The following WNT3A variants were observed in gnomAD, a reference collection of about 807,000 sequenced individuals.
WNT3A encodes Wnt family member 3A.
Under a neutral mutation model 37.0 loss-of-function variants are expected in WNT3A, and 17 were observed. That is an observed-to-expected ratio of 0.46 (90% CI 0.31 to 0.69). WNT3A has a LOEUF of 0.69. Ranked by LOEUF, WNT3A falls within the 30% of genes least tolerant of loss-of-function variation. WNT3A has a pLI of 0.05. For synonymous variants in WNT3A, 187 were observed against 211.0 expected (o/e 0.89, Z 0.99); for missense variants, 411 against 510.2 (o/e 0.81, Z 1.87).
At chr1:228,035,270 G>A (rs2031109881) in intron 2 of WNT3A, among the ~76,000 whole-genome samples, 1 of 152,202 alleles carries the variant, frequency 6.6e-6, no homozygotes, top group South Asian at 2.1e-4. Context: ...CATCTGTTGA[G>A]GCCAGCAGTG....
chr1:228,028,552 G>A (rs960369496), intron 2 of WNT3A, among the ~76,000 whole-genome samples: 1 of 152,202 alleles, frequency 6.6e-6, no homozygotes, highest in Admixed American at 6.5e-5. Context: ...TCAAACTCCT[G>A]ACCTCAAGTG....
chr1:228,022,597 GGGT>G (rs745439748), intron 1 of WNT3A, 67 bp from the exon 2 acceptor site: 1 of 1,529,654 alleles, frequency 6.5e-7, no homozygotes, highest in Non-Finnish European at 8.8e-7. Flanking sequence ...CCAGAGCAAA[GGGT>G]CTGTAGCCTG....
In WNT3A at chr1:228,007,024, A is replaced by T; in HGVS notation, c.-105A>T. 1 of 645,176 alleles carries T rather than the reference A, an allele frequency of 1.5e-6. No homozygotes were observed. The highest frequency in any genetic ancestry group is 2.1e-6 in the Non-Finnish European group (1 of 487,002). The allele number at this position is 645,176 out of a possible 1,614,324, so 40.0% of individuals were successfully genotyped here. A position where few individuals can be genotyped will look rare whatever the true frequency, so the allele number is the denominator to read the frequency against. On this transcript the variant is annotated 5_prime_UTR_variant, in exon 1 of 4. Coordinates refer to ENST00000284523, the MANE Select transcript of WNT3A (RefSeq NM_033131.4). The surrounding 1 kb of genome is among the most constrained non-coding windows in gnomAD (Gnocchi z 6.0). Reference sequence around the variant, plus strand: ...CGCACACCCGCGCACCCGCGGCCGCAGGAGGGCCCAGCGACGCCGCCGCGC... The same window carrying T: ...CGCACACCCGCGCACCCGCGGCCGCTGGAGGGCCCAGCGACGCCGCCGCGC...
At position 228,029,749 on chromosome 1, in the gene WNT3A, C is replaced by G. The variant is rs554758294; in HGVS notation, c.313+6841C>G. On this transcript the variant is annotated intron_variant, in intron 2 of 3. Transcript: ENST00000284523. ...ATGAATGCTTGTGCCCACCCCCCCC[C>G]CAATTCCTACATTGAAATCCTCACC... Among the ~76,000 whole-genome samples the G allele has an allele frequency of 5.5e-4, 83 of 151,320 alleles. No homozygotes were observed. In the Middle Eastern group the frequency reaches 0.014, roughly 25 times the overall value.
chr1:228,007,290 G>C lies in WNT3A; in HGVS notation c.71+91G>C, dbSNP rs1190572848. On this transcript the variant is annotated intron_variant, in intron 1 of 3. Transcript: ENST00000284523. The surrounding 1 kb of genome is among the most constrained non-coding windows in gnomAD (Gnocchi z 6.0). ...GGGCAGGGACCCCGCGGTGGCCCGAGCCCGCGCCCTTCTGCTCCAGCCCCG... is the reference window on the plus strand; with the variant it reads ...GGGCAGGGACCCCGCGGTGGCCCGACCCCGCGCCCTTCTGCTCCAGCCCCG... 1 of 1,354,612 alleles carries C rather than the reference G, an allele frequency of 7.4e-7. No homozygotes were observed. The highest frequency in any genetic ancestry group is 1.5e-5 in the African/African-American group (1 of 66,184). The allele number at this position is 1,354,612 out of a possible 1,614,324, so 83.9% of individuals were successfully genotyped here.
At chr1:228,012,151 C>T (rs1021766425) in intron 1 of WNT3A, among the ~76,000 whole-genome samples, 7 of 152,190 alleles carry the variant, frequency 4.6e-5, no homozygotes, top group Non-Finnish European at 8.8e-5. Context: ...GGTGACTGCC[C>T]GGTGGCCACT....
At chr1:228,022,631 A>G in intron 1 of WNT3A, 36 bp from the exon 2 acceptor site, 1 of 1,589,508 alleles carries the variant, frequency 6.3e-7, no homozygotes, top group Admixed American at 1.7e-5. Flanking sequence ...TCGCTGTCCC[A>G]GCCCCACACT....
chr1:228,022,742 C>A lies in WNT3A; in HGVS notation c.147C>A (p.Val49=), dbSNP rs778235031. The A allele has an allele frequency of 6.2e-7, 1 of 1,614,150 alleles. No homozygotes were observed. The highest frequency in any genetic ancestry group is 1.1e-5 in the South Asian group (1 of 91,084). Residue 49 remains valine, a synonymous_variant, in exon 2 of 4, where the codon GTC becomes GTA. Transcript: ENST00000284523. ...PILCASIPGL[V]PKQLRFCRNY... Reference sequence around the variant, plus strand: ...TGTGTGCCAGCATCCCGGGCCTGGTCCCCAAGCAGCTCCGCTTCTGCAGGA... The same window carrying A: ...TGTGTGCCAGCATCCCGGGCCTGGTACCCAAGCAGCTCCGCTTCTGCAGGA...
intron 3 of WNT3A, among the ~76,000 whole-genome samples, chr1:228,054,779 C>T (rs948405427): frequency 6.8e-6 from 1 of 146,614 alleles, no homozygotes; most frequent in Non-Finnish European, 1.5e-5. Context: ...TAGACACAGA[C>T]TTTGAGGGGA....
In WNT3A at chr1:228,038,725, G is replaced by A. The variant is rs1274754469; in HGVS notation, c.314-11931G>A. Among the ~76,000 whole-genome samples, 3 of 152,170 alleles carry A rather than the reference G, an allele frequency of 2.0e-5. No homozygotes were observed. The highest frequency in any genetic ancestry group is 6.5e-5 in the Admixed American group (1 of 15,288). On this transcript the variant is annotated intron_variant, in intron 2 of 3. Transcript: ENST00000284523. This position sits in a 1 kb window ranked among gnomAD's most constrained non-coding sequence, Gnocchi z 5.7. ...GTGTGGTAATCATACAGGGTGCAGC[G>A]TGCACGGGGGGCTGTGTTCGCTGTG...
rs942359767 is a variant in WNT3A, at chr1:228,008,266, C to A, written c.71+1067C>A. Among the ~76,000 whole-genome samples, 3 of 152,178 alleles carry A rather than the reference C, an allele frequency of 2.0e-5. No individual in the cohort carries two copies. Among genetic ancestry groups the A allele is most frequent in the Admixed American group, 1.3e-4 (2 of 15,290 alleles). On this transcript the variant is annotated intron_variant, in intron 1 of 3. Transcript: ENST00000284523. The surrounding 1 kb of genome is among the most constrained non-coding windows in gnomAD (Gnocchi z 4.9). ...AGTTGGAGAGAAGCCTCCCCACAAGCATGCACACTCCCCCCCATCCTTCTC... is the reference window on the plus strand; with the variant it reads ...AGTTGGAGAGAAGCCTCCCCACAAGAATGCACACTCCCCCCCATCCTTCTC...
chr1:228,058,884 G>T, intron 3 of WNT3A, 102 bp from the exon 4 acceptor site: 1 of 1,216,920 alleles, frequency 8.2e-7, no homozygotes, highest in Non-Finnish European at 1.1e-6. Context: ...CTGCCCGGGG[G>T]CTTTATGGAG....
At chr1:228,046,589 T>C (rs937846472) in intron 2 of WNT3A, among the ~76,000 whole-genome samples, 3 of 149,998 alleles carry the variant, frequency 2.0e-5, no homozygotes, top group Non-Finnish European at 4.4e-5. Context: ...GGTGTGTATA[T>C]GTGGGGTATG....
In WNT3A at chr1:228,039,460, A is replaced by T. The variant is rs575194703; in HGVS notation, c.314-11196A>T. On this transcript the variant is annotated intron_variant, in intron 2 of 3. Coordinates refer to ENST00000284523, the MANE Select transcript of WNT3A (RefSeq NM_033131.4). The surrounding 1 kb of genome is among the most constrained non-coding windows in gnomAD (Gnocchi z 4.1). Reference sequence around the variant, plus strand: ...GGGGGGATGGCCATCAGCATATCAGAGACACCCTCCCAACCCCCTTCTCCT... The same window carrying T: ...GGGGGGATGGCCATCAGCATATCAGTGACACCCTCCCAACCCCCTTCTCCT... Among the ~76,000 whole-genome samples, 30 of 152,286 alleles carry T rather than the reference A, an allele frequency of 2.0e-4. No homozygotes were observed. Among genetic ancestry groups the T allele is most frequent in the Admixed American group, 4.6e-4 (7 of 15,302 alleles).
intron 2 of WNT3A, among the ~76,000 whole-genome samples, chr1:228,035,405 G>A (rs987197656): frequency 6.6e-6 from 1 of 152,174 alleles, no homozygotes; most frequent in Non-Finnish European, 1.5e-5. Flanking sequence ...TGGGGCTGAC[G>A]TGGGGGTGAG....
intron 2 of WNT3A, among the ~76,000 whole-genome samples, chr1:228,035,937 T>G (rs1027025592): frequency 6.6e-6 from 1 of 151,922 alleles, no homozygotes; most frequent in South Asian, 2.1e-4. Context: ...CTTAAATAGG[T>G]TTAAGTAGGA....
intron 1 of WNT3A, among the ~76,000 whole-genome samples, chr1:228,011,344 G>A (rs1003935855): frequency 6.6e-6 from 1 of 152,126 alleles, no homozygotes; most frequent in African/African-American, 2.4e-5. Context: ...CACTCCCAGA[G>A]TCACCCTGCC....
Position 228,020,138 on chromosome 1 carries a change from C to T in WNT3A, c.72-2529C>T, listed in dbSNP as rs187305721. 4.1e-4 allele frequency among the ~76,000 whole-genome samples: 63 copies of T among 152,314 alleles called. 1 individual carries two copies. In the East Asian group the frequency reaches 0.012, roughly 28 times the overall value. On this transcript the variant is annotated intron_variant, in intron 1 of 3. Coordinates refer to ENST00000284523, the MANE Select transcript of WNT3A (RefSeq NM_033131.4). Reference sequence around the variant, plus strand: ...ACTCGGGAGGGTGAGGCAGGAGAATCGCTTGAGCCAAGAGGGGGAGGTTGC... The same window carrying T: ...ACTCGGGAGGGTGAGGCAGGAGAATTGCTTGAGCCAAGAGGGGGAGGTTGC...
rs75328903 is a variant in WNT3A at position 228,017,549 on chromosome 1, C to T, written c.72-5118C>T. Among the ~76,000 whole-genome samples, 1,341 of 152,156 alleles carry T rather than the reference C, an allele frequency of 8.8e-3. 28 individuals carry two copies. The highest frequency in any genetic ancestry group is 0.03 in the African/African-American group (1,255 of 41,490). ...GCAACATAGACAGACACCATCTCTA[C>T]AAAAAATACAAAAGTTAACCGGGCA... is the stretch of plus-strand genomic sequence containing the variant. On this transcript the variant is annotated intron_variant, in intron 1 of 3. Transcript: ENST00000284523.
Sources: gnomAD v4.1 joint callset for allele counts (sites outside exome capture counted in the v4.1 genomes callset) on GRCh38, gnomAD v4.1.1 for gene constraint, Gnocchi (gnomAD v3.1) non-coding constraint, MANE v1.5 for transcripts, NCBI Gene and HGNC (gene_info 2026-07-23, HGNC 2026-07-21) for gene names.